The following NKAIN2 variants were observed in gnomAD, a reference collection of about 807,000 sequenced individuals.
The protein encoded by NKAIN2 is sodium/potassium transporting ATPase interacting 2, also known as sodium/potassium-transporting ATPase subunit beta-1-interacting protein 2.
A neutral mutation model predicts 32.6 loss-of-function variants in NKAIN2; 14 were observed. The observed-to-expected ratio is 0.43, with a 90% CI of 0.28 to 0.67. The LOEUF is 0.67. Ranked by LOEUF, NKAIN2 falls within the 30% of genes least tolerant of loss-of-function variation. The pLI is 0.17. For missense variants in NKAIN2, 198 were observed against 258.3 expected (o/e 0.77, Z 1.60); for synonymous variants, 80 against 87.2 (o/e 0.92, Z 0.46).
At chr6:124,338,270 G>T (rs1797965057) in intron 2 of NKAIN2, among the ~76,000 whole-genome samples, 1 of 152,134 alleles carries the variant, frequency 6.6e-6, no homozygotes, top group African/African-American at 2.4e-5. Flanking sequence ...AAAAGTCATA[G>T]TGAAGAATAT....
At chr6:124,636,044 C>T (rs528987210) in intron 3 of NKAIN2, among the ~76,000 whole-genome samples, 25 of 151,930 alleles carry the variant, frequency 1.6e-4, no homozygotes, top group African/African-American at 5.5e-4. Context: ...TGTTGGGCCA[C>T]GAAACAAGTC....
intron 3 of NKAIN2, among the ~76,000 whole-genome samples, chr6:124,627,387 A>G (rs1485335517): frequency 6.6e-6 from 1 of 152,188 alleles, no homozygotes; most frequent in Non-Finnish European, 1.5e-5. Flanking sequence ...GTATGCAAAT[A>G]ATTAAAATTT....
At chr6:124,385,697 G>GAAC (rs1444834255) in intron 3 of NKAIN2, among the ~76,000 whole-genome samples, 1 of 151,980 alleles carries the variant, frequency 6.6e-6, no homozygotes, top group African/African-American at 2.4e-5. Flanking sequence ...ACCTATAGGT[G>GAAC]AACACATCTA....
intron 1 of NKAIN2, among the ~76,000 whole-genome samples, chr6:123,807,624 A>G (rs1487077319): frequency 6.6e-6 from 1 of 152,102 alleles, no homozygotes; most frequent in Non-Finnish European, 1.5e-5. Flanking sequence ...GGAAAAAATT[A>G]CTCTGATATC....
intron 4 of NKAIN2, among the ~76,000 whole-genome samples, chr6:124,744,446 T>C (rs1377421144): frequency 6.6e-6 from 1 of 151,856 alleles, no homozygotes; most frequent in East Asian, 1.9e-4. Flanking sequence ...TGATTGAACT[T>C]TGACTTCCCA....
intron 3 of NKAIN2, among the ~76,000 whole-genome samples, chr6:124,604,308 C>T (rs963777180): frequency 6.6e-6 from 1 of 151,974 alleles, no homozygotes; most frequent in African/African-American, 2.4e-5. Flanking sequence ...GATATAATTG[C>T]TAACTGCTCC....
intron 3 of NKAIN2, among the ~76,000 whole-genome samples, chr6:124,623,687 A>G (rs1227376211): frequency 6.6e-6 from 1 of 152,210 alleles, no homozygotes; most frequent in Non-Finnish European, 1.5e-5. Flanking sequence ...TGTTAAATTC[A>G]GGATCAGCAG....
chr6:124,341,092 ATAGTGTT>A (rs1798093785), intron 2 of NKAIN2, among the ~76,000 whole-genome samples: 1 of 152,200 alleles, frequency 6.6e-6, no homozygotes, highest in Admixed American at 6.5e-5. Context: ...TGTCTTAAGA[ATAGTGTT>A]TAAGCAAAAT....
intron 1 of NKAIN2, among the ~76,000 whole-genome samples, chr6:123,938,283 A>T (rs1387941310): frequency 2.0e-5 from 3 of 150,336 alleles, no homozygotes; most frequent in African/African-American, 4.9e-5. Context: ...ACTTCTTAGA[A>T]GTTTATTTGA....
chr6:124,242,480 G>A (rs1267549382), intron 1 of NKAIN2, among the ~76,000 whole-genome samples: 2 of 152,166 alleles, frequency 1.3e-5, no homozygotes, highest in East Asian at 3.9e-4. Flanking sequence ...GTGAAAGACA[G>A]TATGGTGATT....
intron 1 of NKAIN2, among the ~76,000 whole-genome samples, chr6:124,180,545 C>T (rs560914171): frequency 1.3e-5 from 2 of 152,152 alleles, no homozygotes; most frequent in Non-Finnish European, 1.5e-5. Context: ...CAAACCATAT[C>T]ATTCCACCCC....
At chr6:124,361,424 A>C (rs1799282469) in intron 3 of NKAIN2, among the ~76,000 whole-genome samples, 2 of 152,054 alleles carry the variant, frequency 1.3e-5, no homozygotes. Context: ...GAAATAAAAC[A>C]ATAAACTTAT....
chr6:124,718,752 A>T (rs1447563387), intron 4 of NKAIN2, among the ~76,000 whole-genome samples: 2 of 149,696 alleles, frequency 1.3e-5, no homozygotes, highest in African/African-American at 4.9e-5. Context: ...GCAGAAAGTT[A>T]AGTGCTTGAA....
intron 4 of NKAIN2, among the ~76,000 whole-genome samples, chr6:124,706,476 T>C (rs1775071481): frequency 6.6e-6 from 1 of 151,708 alleles, no homozygotes; most frequent in Admixed American, 6.6e-5. Flanking sequence ...TGAGACAGTT[T>C]CTTGCTCCAT....
At chr6:124,212,361 A>G (rs940872004) in intron 1 of NKAIN2, among the ~76,000 whole-genome samples, 3 of 152,146 alleles carry the variant, frequency 2.0e-5, no homozygotes, top group African/African-American at 7.2e-5. Context: ...GTGAAACTGA[A>G]GCCTTAATTA....
At chr6:123,928,238 G>T (rs890096262) in intron 1 of NKAIN2, among the ~76,000 whole-genome samples, 2 of 152,036 alleles carry the variant, frequency 1.3e-5, no homozygotes, top group African/African-American at 4.8e-5. Context: ...CAGCAGACAC[G>T]GGGAACTACT....
At chr6:124,298,784 A>G (rs1206301610) in intron 2 of NKAIN2, among the ~76,000 whole-genome samples, 5 of 152,116 alleles carry the variant, frequency 3.3e-5, no homozygotes, top group Non-Finnish European at 7.4e-5. Flanking sequence ...ATCAGTGGGG[A>G]TGCTATCATT....
chr6:124,603,455 C>G (rs1240296182), intron 3 of NKAIN2, among the ~76,000 whole-genome samples: 1 of 151,774 alleles, frequency 6.6e-6, no homozygotes, highest in African/African-American at 2.4e-5. Context: ...AAAAATAAAT[C>G]AAGAATTACT....
At chr6:124,062,920 C>T (rs899522677) in intron 1 of NKAIN2, among the ~76,000 whole-genome samples, 13 of 152,064 alleles carry the variant, frequency 8.5e-5, no homozygotes, top group African/African-American at 2.4e-4. Flanking sequence ...TCAGGCTGGG[C>T]GCGGTGGCTC....
Sources: gnomAD v4.1 joint callset for allele counts (sites outside exome capture counted in the v4.1 genomes callset) on GRCh38, gnomAD v4.1.1 for gene constraint, MANE v1.5 for transcripts, NCBI Gene and HGNC (gene_info 2026-07-23, HGNC 2026-07-21) for gene names.